OLFM3: variants seen among roughly 807,000 people sequenced by gnomAD.
OLFM3 encodes noelin-3.
A neutral mutation model predicts 48.6 loss-of-function variants in OLFM3; 20 were observed. The ratio of observed to expected loss-of-function variants is 0.41; its 90% CI spans 0.29 to 0.60. OLFM3 has a LOEUF of 0.60. Among genes scored for constraint, OLFM3 ranks in the 20% least tolerant of loss-of-function variants. The pLI is 0.28. For synonymous variants in OLFM3, 222 were observed against 198.1 expected (o/e 1.12, Z -1.01); for missense variants, 437 against 544.3 (o/e 0.80, Z 1.96).
intron 1 of OLFM3, among the ~76,000 whole-genome samples, chr1:101,858,640 T>C (rs1166255311): frequency 6.6e-6 from 1 of 151,972 alleles, no homozygotes; most frequent in Non-Finnish European, 1.5e-5. Flanking sequence ...GCTGTTCTTG[T>C]GATTGTGAGT....
At chr1:101,889,417 C>A (rs749280908) in intron 1 of OLFM3, among the ~76,000 whole-genome samples, 1 of 152,200 alleles carries the variant, frequency 6.6e-6, no homozygotes, top group East Asian at 1.9e-4. Context: ...AAGCGAAACA[C>A]CGCATGTTTT....
intron 4 of OLFM3, among the ~76,000 whole-genome samples, chr1:101,808,142 A>AT (rs1557681868): frequency 2.1e-4 from 31 of 150,958 alleles, no homozygotes; most frequent in African/African-American, 5.8e-4. Flanking sequence ...AAAACATGTG[A>AT]TTTTTTTTCT....
intron 1 of OLFM3, among the ~76,000 whole-genome samples, chr1:101,992,480 C>T (rs1010008848): frequency 6.6e-6 from 1 of 152,078 alleles, no homozygotes. Flanking sequence ...AGGTCCTTGC[C>T]AAATGTCATC....
chr1:101,892,595 T>C (rs575595682), intron 1 of OLFM3, among the ~76,000 whole-genome samples: 1 of 152,170 alleles, frequency 6.6e-6, no homozygotes, highest in East Asian at 1.9e-4. Context: ...TTGCCACCCT[T>C]TCCCTCCCTT....
intron 1 of OLFM3, among the ~76,000 whole-genome samples, chr1:101,939,122 A>C (rs1379382297): frequency 6.6e-6 from 1 of 152,196 alleles, no homozygotes; most frequent in Non-Finnish European, 1.5e-5. Context: ...GCTATTTCAC[A>C]ACTAGCACAA....
chr1:101,933,413 G>T (rs1438343760), intron 1 of OLFM3, among the ~76,000 whole-genome samples: 2 of 151,434 alleles, frequency 1.3e-5, no homozygotes, highest in Non-Finnish European at 2.9e-5. Flanking sequence ...CAAAAATAAA[G>T]AAAAATCAAA....
At chr1:101,888,045 G>T (rs929663595) in intron 1 of OLFM3, among the ~76,000 whole-genome samples, 5 of 152,022 alleles carry the variant, frequency 3.3e-5, no homozygotes, top group African/African-American at 1.2e-4. Context: ...TAAATGTGAA[G>T]TAATTATGGC....
At chr1:101,981,314 T>G (rs1292817613) in intron 1 of OLFM3, among the ~76,000 whole-genome samples, 1 of 152,134 alleles carries the variant, frequency 6.6e-6, no homozygotes, top group East Asian at 1.9e-4. Flanking sequence ...TATCATATAC[T>G]TTGTCTTCCC....
intron 1 of OLFM3, among the ~76,000 whole-genome samples, chr1:101,851,013 GAAA>G (rs1202034512): frequency 6.6e-6 from 1 of 152,048 alleles, no homozygotes; most frequent in Non-Finnish European, 1.5e-5. Context: ...GTGACCTCTA[GAAA>G]AAAACAGTGG....
rs1653688351 is a variant in OLFM3, at chr1:101,804,908, T to C, written c.707A>G (p.Tyr236Cys). 3 of 1,607,106 alleles carry C rather than the reference T, an allele frequency of 1.9e-6. No homozygotes were observed. The highest frequency in any genetic ancestry group is 1.7e-4 in the Middle Eastern group (1 of 6,008). ...TTTATTGTTAGTATAACTGTCCATG[T>C]ACCAGACCTGAGAAGAAGGAAAAAA... ...LASEKNNRVW[Y>C]MDSYTNNKIV... The change falls in exon 6 of 6, where the codon TAC becomes TGC. Residue 236 changes from tyrosine (Y) to cysteine (C), a missense_variant. Around this residue, in one of 3 missense-constraint regions of OLFM3, gnomAD observed 314 missense variants for 365.5 expected, o/e 0.86. Coordinates refer to ENST00000370103, the MANE Select transcript of OLFM3 (RefSeq NM_058170.4). This position sits in a 1 kb window ranked among gnomAD's most constrained non-coding sequence, Gnocchi z 4.5.
intron 1 of OLFM3, among the ~76,000 whole-genome samples, chr1:101,906,185 G>GT (rs1200402976): frequency 7.6e-4 from 112 of 147,738 alleles, no homozygotes; most frequent in African/African-American, 1.3e-3. Flanking sequence ...TATAGCTCCA[G>GT]TTTTTTTTTT....
chr1:101,828,066 G>GTCTCTCTCTCTC (rs200924384), intron 3 of OLFM3, among the ~76,000 whole-genome samples: 1,424 of 141,800 alleles, frequency 0.01, 22 homozygotes, highest in African/African-American at 0.03. Flanking sequence ...CTCTCTCTCT[G>GTCTCTCTCTCTC]TCTCTCTCTC....
At chr1:101,964,370 A>G (rs1391599240) in intron 1 of OLFM3, among the ~76,000 whole-genome samples, 1 of 152,194 alleles carries the variant, frequency 6.6e-6, no homozygotes, top group Non-Finnish European at 1.5e-5. Context: ...TTTGCAGTTT[A>G]TCTTTTGGAT....
intron 4 of OLFM3, among the ~76,000 whole-genome samples, chr1:101,821,645 A>G (rs1245390687): frequency 6.6e-6 from 1 of 152,130 alleles, no homozygotes; most frequent in Non-Finnish European, 1.5e-5. Flanking sequence ...AAAAAGCATG[A>G]AAGAGTTACA....
rs1033496907 is a variant in OLFM3 at position 101,950,270 on chromosome 1, C to T, written c.69+46478G>A. Among the ~76,000 whole-genome samples the T allele has an allele frequency of 2.0e-5, 3 of 152,226 alleles. No individual in the cohort carries two copies. In the South Asian group the frequency reaches 6.2e-4, roughly 32 times the overall value. On this transcript the variant is annotated intron_variant, in intron 1 of 5. Coordinates refer to ENST00000370103, the MANE Select transcript of OLFM3 (RefSeq NM_058170.4). ...CTATCTCCATCCTGGAACACCCATC[C>T]TCTTGCTTTCTTCACATTTCTGCTC...
intron 1 of OLFM3, among the ~76,000 whole-genome samples, chr1:101,979,884 C>T (rs1379489489): frequency 6.6e-6 from 1 of 152,214 alleles, no homozygotes; most frequent in Non-Finnish European, 1.5e-5. Flanking sequence ...GGGAGTGAGG[C>T]TGTACCCTGC....
chr1:101,811,931 C>T (rs1654073460), intron 4 of OLFM3, among the ~76,000 whole-genome samples: 1 of 152,154 alleles, frequency 6.6e-6, no homozygotes, highest in South Asian at 2.1e-4. Context: ...AACTTGGAAC[C>T]AACCCAAATG....
At chr1:101,878,708 G>A (rs908778233) in intron 1 of OLFM3, among the ~76,000 whole-genome samples, 2 of 151,872 alleles carry the variant, frequency 1.3e-5, no homozygotes, top group African/African-American at 4.8e-5. Context: ...TGGCAACAGA[G>A]TTCTAGGAAG....
chr1:101,835,005 AT>A (rs1422990755), intron 2 of OLFM3, among the ~76,000 whole-genome samples: 1 of 152,150 alleles, frequency 6.6e-6, no homozygotes, highest in African/African-American at 2.4e-5. Context: ...TTTTCAACTG[AT>A]TTTTGAAGAA....
Sources: allele counts gnomAD v4.1 joint callset (sites outside exome capture counted in the v4.1 genomes callset), GRCh38; gene constraint gnomAD v4.1.1; regional missense constraint gnomAD v4.1.1; non-coding constraint Gnocchi (gnomAD v3.1); transcripts MANE v1.5; gene names NCBI Gene and HGNC (gene_info 2026-07-23, HGNC 2026-07-21).